The following ALDH1L1 variants were observed in gnomAD, a reference collection of about 807,000 sequenced individuals.
The protein encoded by ALDH1L1 is cytosolic 10-formyltetrahydrofolate dehydrogenase.
ALDH1L1 carries 68 observed loss-of-function variants against 101.1 expected under a neutral mutation model. The ratio of observed to expected loss-of-function variants is 0.67; its 90% CI spans 0.55 to 0.82. ALDH1L1 has a LOEUF of 0.82. ALDH1L1 is among the 40% of genes least tolerant of loss of function. The probability of loss-of-function intolerance (pLI) is 0.00; values close to 1 mark genes in which losing one functional copy is unlikely to be tolerated. For missense variants in ALDH1L1, 1,087 were observed against 1,172.7 expected (o/e 0.93, Z 1.07); for synonymous variants, 486 against 470.8 (o/e 1.03, Z -0.42).
chr3:126,125,507 T>C (rs556995338), intron 15 of ALDH1L1, 109 bp downstream of exon 15: 10 of 841,458 alleles, frequency 1.2e-5, no homozygotes, highest in Middle Eastern at 3.3e-4. Context: ...AGGACCCTTC[T>C]TCCAGTGCCC....
upstream of ALDH1L1, among the ~76,000 whole-genome samples, chr3:126,183,288 C>T (rs961624330): frequency 6.6e-6 from 1 of 152,110 alleles, no homozygotes; most frequent in Admixed American, 6.6e-5. Flanking sequence ...GCATGAACCT[C>T]AGTGAGATCT....
chr3:126,131,617 C>T, intron 12 of ALDH1L1, 83 bp from the exon 13 acceptor site: 1 of 1,469,276 alleles, frequency 6.8e-7, no homozygotes, highest in East Asian at 2.4e-5. Context: ...CTTCAAGGAG[C>T]TGGGGTCCTG....
At position 126,125,609 on chromosome 3, in the gene ALDH1L1, C is replaced by T. The variant is rs367981831; in HGVS notation, c.1800+7G>A. The T allele has an allele frequency of 2.2e-5, 34 of 1,546,064 alleles. No homozygotes were observed. The highest frequency in any genetic ancestry group is 1.2e-4 in the East Asian group (5 of 41,634). On this transcript the variant is annotated splice_region_variant and intron_variant, in intron 15 of 22. Transcript: ENST00000393434. ...GCAGGCCCTGTCCAGAGTGAACCCA[C>T]GCTCACCTGAGCAGGCTTGATCACC...
At chr3:126,113,451 C>T (rs1255100445) in intron 18 of ALDH1L1, among the ~76,000 whole-genome samples, 1 of 152,180 alleles carries the variant, frequency 6.6e-6, no homozygotes, top group Non-Finnish European at 1.5e-5. Flanking sequence ...CCCAGGCAGC[C>T]TGCTTTTTCA....
intron 7 of ALDH1L1, chr3:126,151,289 G>A (rs2080802505): frequency 6.6e-6 from 1 of 152,254 alleles, no homozygotes; most frequent in Non-Finnish European, 1.5e-5. Flanking sequence ...AGATGCCTGT[G>A]TGGGATACAG....
chr3:126,154,948 C>A (rs1200721798), intron 5 of ALDH1L1, among the ~76,000 whole-genome samples: 1 of 152,202 alleles, frequency 6.6e-6, no homozygotes, highest in Non-Finnish European at 1.5e-5. Flanking sequence ...TAGGGCCCAA[C>A]CTTTCACTGG....
Position 126,153,573 on chromosome 3 carries a change from T to C in ALDH1L1, c.729A>G (p.Thr243=), listed in dbSNP as rs114624556. The change falls in exon 7 of 23, where the codon ACA becomes ACG. Residue 243 remains threonine (T), a synonymous_variant. Coordinates refer to ENST00000393434, the MANE Select transcript of ALDH1L1 (RefSeq NM_012190.4). ...AAGTGTTCAGCGTTGAGTTGAAAAA[T>C]GTCAGTTTCTGTCAAGGGGAGAAAT... is the stretch of plus-strand genomic sequence containing the variant. ...AWTEACEQKL[T]FFNSTLNTSG... is the part of the protein sequence containing the mutation. 5,969 of 1,611,368 alleles carry C rather than the reference T, an allele frequency of 3.7e-3. 18 individuals carry two copies. The highest frequency in any genetic ancestry group is 4.0e-3 in the Non-Finnish European group (4,658 of 1,178,352).
In ALDH1L1 at chr3:126,125,604, A is replaced by C; in HGVS notation, c.1800+12T>G. The C allele has an allele frequency of 6.5e-7, 1 of 1,533,258 alleles. No homozygotes were observed. Among genetic ancestry groups the C allele is most frequent in the Non-Finnish European group, 8.8e-7 (1 of 1,134,928 alleles). The allele number at this position is 1,533,258 out of a possible 1,614,324, so 95.0% of individuals were successfully genotyped here. A position where few individuals can be genotyped will look rare whatever the true frequency, so the allele number is the denominator to read the frequency against. On this transcript the variant is annotated intron_variant, in intron 15 of 22. Transcript: ENST00000393434. Reference sequence around the variant, plus strand: ...GGCCTGCAGGCCCTGTCCAGAGTGAACCCACGCTCACCTGAGCAGGCTTGA... The same window carrying C: ...GGCCTGCAGGCCCTGTCCAGAGTGACCCCACGCTCACCTGAGCAGGCTTGA...
chr3:126,194,451 G>A (rs1402127046), intron 1 of ALDH1L1, among the ~76,000 whole-genome samples: 1 of 152,032 alleles, frequency 6.6e-6, no homozygotes, highest in Non-Finnish European at 1.5e-5. Context: ...ATATGTTAAA[G>A]GTTTAAAACA....
upstream of ALDH1L1, among the ~76,000 whole-genome samples, chr3:126,183,405 C>T (rs2081492255): frequency 6.6e-6 from 1 of 152,136 alleles, no homozygotes; most frequent in Admixed American, 6.5e-5. Flanking sequence ...TCTAGACTCC[C>T]CCAAATTCTG....
chr3:126,153,317 T>C lies in ALDH1L1; in HGVS notation c.858+127A>G, dbSNP rs957002815. The C allele has an allele frequency of 4.1e-6, 6 of 1,458,244 alleles. No homozygotes were observed. In the East Asian group the frequency reaches 6.9e-5, roughly 17 times the overall value. The allele number at this position is 1,458,244 out of a possible 1,614,324, so 90.3% of individuals were successfully genotyped here. On this transcript the variant is annotated intron_variant, in intron 7 of 22. Transcript: ENST00000393434. ...GGTCAGGGACAAATCAGGGTCAGTG[T>C]TCCTTCCTGGGTCTGGTTTTTTCCA...
At chr3:126,181,265 C>A, upstream of ALDH1L1, 1 of 525,576 alleles carries the variant, frequency 1.9e-6, no homozygotes, top group South Asian at 2.1e-5. Context: ...GTGATAATTG[C>A]GTATTGTTTC....
chr3:126,140,793 T>C (rs528562025), intron 9 of ALDH1L1, among the ~76,000 whole-genome samples: 2 of 150,148 alleles, frequency 1.3e-5, no homozygotes, highest in African/African-American at 4.9e-5. Flanking sequence ...AAACATACAG[T>C]AAAAGAAAGA....
At chr3:126,150,189 T>G (rs1447901370) in intron 8 of ALDH1L1, among the ~76,000 whole-genome samples, 1 of 152,200 alleles carries the variant, frequency 6.6e-6, no homozygotes, top group Non-Finnish European at 1.5e-5. Flanking sequence ...AGAGTCAGAC[T>G]GAACTGGCCA....
intron 9 of ALDH1L1, among the ~76,000 whole-genome samples, 195 bp downstream of exon 9, chr3:126,146,640 G>T (rs1233651580): frequency 6.6e-6 from 1 of 152,148 alleles, no homozygotes; most frequent in Non-Finnish European, 1.5e-5. Flanking sequence ...CTTAACATTT[G>T]CATAAAGACC....
intron 9 of ALDH1L1, among the ~76,000 whole-genome samples, chr3:126,141,353 C>T (rs1297640153): frequency 6.6e-6 from 1 of 152,038 alleles, no homozygotes; most frequent in African/African-American, 2.4e-5. Flanking sequence ...TTGAACACCA[C>T]AAACCAATCA....
At position 126,107,131 on chromosome 3, in the gene ALDH1L1, G is replaced by A. The variant is rs1425156969; in HGVS notation, c.2453+10C>T. 2.5e-6 allele frequency: 4 copies of A among 1,611,690 alleles called. No individual in the cohort carries two copies. In the Admixed American group the frequency reaches 6.7e-5, roughly 27 times the overall value. On this transcript the variant is annotated intron_variant, in intron 21 of 22. Transcript: ENST00000393434. ...GTCAGGGCCCTTGAGACATCAGCAG[G>A]ATTCCCTACCCATCAGCAAACCGAG...
chr3:126,194,522 C>G (rs1337454606), intron 1 of ALDH1L1, among the ~76,000 whole-genome samples: 1 of 152,120 alleles, frequency 6.6e-6, no homozygotes, highest in Non-Finnish European at 1.5e-5. Flanking sequence ...CTTTTATCAC[C>G]CTCTACAATT....
intron 1 of ALDH1L1, among the ~76,000 whole-genome samples, chr3:126,167,291 C>T (rs757258781): frequency 3.9e-5 from 6 of 152,094 alleles, no homozygotes; most frequent in Non-Finnish European, 8.8e-5. Flanking sequence ...ATATTTTTCT[C>T]TTGGGGTTGT....
Sources: gnomAD v4.1 joint callset for allele counts (sites outside exome capture counted in the v4.1 genomes callset) on GRCh38, gnomAD v4.1.1 for gene constraint, MANE v1.5 for transcripts, NCBI Gene and HGNC (gene_info 2026-07-23, HGNC 2026-07-21) for gene names.